CES5A: variants seen among roughly 807,000 people sequenced by gnomAD.
CES5A encodes carboxylesterase 5.
In CES5A, 67 loss-of-function variants were observed where a neutral mutation model predicts 62.9. The observed-to-expected ratio is 1.07, with a 90% CI of 0.88 to 1.31. The LOEUF (loss-of-function observed/expected upper bound fraction) is 1.31. Ranked by LOEUF, CES5A falls within the 50% of genes most tolerant of loss-of-function variation. CES5A has a pLI of 0.00. For missense variants in CES5A, 748 were observed against 708.5 expected (o/e 1.06, Z -0.63); for synonymous variants, 296 against 280.8 (o/e 1.05, Z -0.54).
intron 1 of CES5A, among the ~76,000 whole-genome samples, chr16:55,923,517 C>T (rs1235158076): frequency 6.6e-6 from 1 of 151,678 alleles, no homozygotes; most frequent in African/African-American, 2.4e-5. Flanking sequence ...GAGATCAAAG[C>T]CATAATAAAA....
chr16:55,913,836 TC>T (rs2034119288), intron 1 of CES5A, among the ~76,000 whole-genome samples: 3 of 152,178 alleles, frequency 2.0e-5, no homozygotes. Context: ...TTATTAAGCA[TC>T]TACTGCCATA....
intron 1 of CES5A, among the ~76,000 whole-genome samples, chr16:55,884,784 G>T (rs896328074): frequency 1.3e-4 from 20 of 152,074 alleles, no homozygotes; most frequent in African/African-American, 4.3e-4. Context: ...TAGAGACAGT[G>T]CCTCCTTATG....
chr16:55,880,799 G>C (rs1288306515), intron 1 of CES5A, among the ~76,000 whole-genome samples: 1 of 152,186 alleles, frequency 6.6e-6, no homozygotes, highest in Non-Finnish European at 1.5e-5. Flanking sequence ...TGAAGAAAAT[G>C]GCAGTCTCTG....
At chr16:55,916,225 C>T (rs771990289) in intron 1 of CES5A, among the ~76,000 whole-genome samples, 7 of 152,072 alleles carry the variant, frequency 4.6e-5, no homozygotes, top group South Asian at 2.1e-4. Context: ...TCTAAGGTAG[C>T]GATGTTATCT....
chr16:55,942,584 G>A (rs895119285), intron 2 of CES5A, among the ~76,000 whole-genome samples: 1 of 152,122 alleles, frequency 6.6e-6, no homozygotes, highest in Non-Finnish European at 1.5e-5. Flanking sequence ...TGTCACTGTT[G>A]GGAATGTAAA....
intron 1 of CES5A, among the ~76,000 whole-genome samples, chr16:55,905,371 CT>C (rs59768092): frequency 5.9e-4 from 87 of 148,170 alleles, no homozygotes; most frequent in East Asian, 1.4e-3. Context: ...TTAAATCTGA[CT>C]TTTTTTTTTT....
upstream of CES5A, among the ~76,000 whole-genome samples, chr16:55,878,663 A>G (rs1251968774): frequency 1.8e-5 from 2 of 111,922 alleles, no homozygotes; most frequent in Non-Finnish European, 3.5e-5. Context: ...GCTGCACCTC[A>G]TCTCTGCATC....
Position 55,871,601 on chromosome 16 carries a change from G to A in CES5A, c.417+24C>T, listed in dbSNP as rs748298244. 3.3e-5 allele frequency: 54 copies of A among 1,612,964 alleles called. No homozygotes were observed. In the South Asian group the frequency reaches 3.6e-4, roughly 11 times the overall value. ...GCCAAGGTCCTGCTAGCTAGAGCCC[G>A]AAGCACACAGCAGGCAGCCTTACGG... is the stretch of plus-strand genomic sequence containing the variant. On this transcript the variant is annotated intron_variant, in intron 3 of 12. Coordinates refer to ENST00000290567, the MANE Select transcript of CES5A (RefSeq NM_001143685.2).
At chr16:55,849,808 C>T (rs753651897) in intron 10 of CES5A, 35 bp from the exon 11 acceptor site, 1 of 1,604,530 alleles carries the variant, frequency 6.2e-7, no homozygotes, top group Non-Finnish European at 8.5e-7. Flanking sequence ...GGCATGCATG[C>T]AGCGCGGAGC....
At chr16:55,907,518 G>A (rs2034050888) in intron 1 of CES5A, among the ~76,000 whole-genome samples, 1 of 152,190 alleles carries the variant, frequency 6.6e-6, no homozygotes, top group Non-Finnish European at 1.5e-5. Flanking sequence ...ACTCATAGAG[G>A]TTATGTTGTG....
intron 4 of CES5A, among the ~76,000 whole-genome samples, chr16:55,869,162 A>G (rs183160805): frequency 6.6e-6 from 1 of 152,310 alleles, no homozygotes; most frequent in Non-Finnish European, 1.5e-5. Context: ...TTGCAGCTGG[A>G]TGTGGCCATG....
At position 55,899,206 on chromosome 16, in the gene CES5A, A is replaced by G. The variant is rs544418377; in HGVS notation, c.-255-25169T>C. 3.3e-5 allele frequency among the ~76,000 whole-genome samples: 5 copies of G among 152,228 alleles called. No homozygotes were observed. The South Asian group carries it at 1.0e-3, about 32-fold the overall frequency. On this transcript the variant is annotated intron_variant, in intron 1 of 12. Transcript: ENST00000518005. ...TCCTGAATGTCCGAGCCTGCAGAGG[A>G]ATGGGGAGAGCAGCTCTGATTGGTA...
At chr16:55,918,630 G>C (rs1319797159) in intron 1 of CES5A, among the ~76,000 whole-genome samples, 5 of 152,086 alleles carry the variant, frequency 3.3e-5, no homozygotes, top group Admixed American at 2.0e-4. Flanking sequence ...TTTTCAATGG[G>C]GAAAAGAAGG....
intron 2 of CES5A, among the ~76,000 whole-genome samples, chr16:55,938,922 G>A (rs2034417345): frequency 6.6e-6 from 1 of 150,428 alleles, no homozygotes; most frequent in Admixed American, 6.6e-5. Context: ...CAGAGGAAGT[G>A]GGGTGGGGGG....
At chr16:55,894,942 T>C (rs1359033739) in intron 1 of CES5A, among the ~76,000 whole-genome samples, 1 of 152,174 alleles carries the variant, frequency 6.6e-6, no homozygotes, top group Admixed American at 6.5e-5. Flanking sequence ...AGATGGGAAG[T>C]GAGTTACTTT....
intron 1 of CES5A, among the ~76,000 whole-genome samples, chr16:55,916,159 T>C (rs774442507): frequency 5.9e-5 from 9 of 152,162 alleles, no homozygotes; most frequent in African/African-American, 9.7e-5. Context: ...GGTACAGCCA[T>C]TGGTACTCAG....
chr16:55,880,855 T>A (rs2033754408), intron 1 of CES5A, among the ~76,000 whole-genome samples: 1 of 152,190 alleles, frequency 6.6e-6, no homozygotes, highest in African/African-American at 2.4e-5. Flanking sequence ...TCAGAAGGCC[T>A]CCTAGCAGCT....
At chr16:55,901,404 G>A (rs1597141876) in intron 1 of CES5A, among the ~76,000 whole-genome samples, 1 of 152,144 alleles carries the variant, frequency 6.6e-6, no homozygotes, top group Admixed American at 6.5e-5. Flanking sequence ...GGGAAATAAA[G>A]CCAGCAAGCA....
chr16:55,946,699 C>T (rs1399694517), intron 2 of CES5A, among the ~76,000 whole-genome samples: 4 of 152,208 alleles, frequency 2.6e-5, no homozygotes, highest in Non-Finnish European at 5.9e-5. Context: ...CATAACAAAG[C>T]ACCCCAGTAC....
Sources: allele counts gnomAD v4.1 joint callset (sites outside exome capture counted in the v4.1 genomes callset), GRCh38; gene constraint gnomAD v4.1.1; transcripts MANE v1.5; gene names NCBI Gene and HGNC (gene_info 2026-07-23, HGNC 2026-07-21).